Variants in NEDD4L observed in about 807,000 individuals in gnomAD.
NEDD4L encodes the protein E3 ubiquitin-protein ligase NEDD4-like.
Under a neutral mutation model 148.9 loss-of-function variants are expected in NEDD4L, and 54 were observed. That is an observed-to-expected ratio of 0.36 (90% CI 0.29 to 0.45). The LOEUF (loss-of-function observed/expected upper bound fraction) is 0.45, where lower values mean the gene tolerates loss of function less well. NEDD4L is among the 20% of genes least tolerant of loss of function. NEDD4L has a pLI of 1.00. For synonymous variants in NEDD4L, 433 were observed against 440.7 expected (o/e 0.98, Z 0.22); for missense variants, 856 against 1,233.8 (o/e 0.69, Z 4.59).
intron 1 of NEDD4L, among the ~76,000 whole-genome samples, chr18:58,157,070 C>G (rs770456095): frequency 2.0e-4 from 31 of 151,508 alleles, no homozygotes; most frequent in Non-Finnish European, 4.1e-4. Flanking sequence ...CACCTGTAGT[C>G]CCAGCTACTT....
rs200866642 is a variant in NEDD4L, at chr18:58,084,676, T to TGGGTGG, written c.48+39969_48+39970insGGTGGG. 7.5e-3 allele frequency among the ~76,000 whole-genome samples: 1,096 copies of TGGGTGG among 145,818 alleles called. 7 individuals are homozygous for TGGGTGG. The highest frequency in any genetic ancestry group is 0.011 in the Non-Finnish European group (716 of 65,898). Reference sequence around the variant, plus strand: ...CACTATATCTTGTGGGGTTTTTGTGTGTGTGTGTGTGTGTGTGTGTGTGTG... The same window carrying TGGGTGG: ...CACTATATCTTGTGGGGTTTTTGTGTGGGTGGGTGTGTGTGTGTGTGTGTGTGTGTG... On this transcript the variant is annotated intron_variant, in intron 1 of 30. Transcript: ENST00000400345.
At chr18:58,207,723 AT>A (rs2042117719) in intron 2 of NEDD4L, among the ~76,000 whole-genome samples, 1 of 152,300 alleles carries the variant, frequency 6.6e-6, no homozygotes, top group Admixed American at 6.5e-5. Flanking sequence ...GTCATCTGAC[AT>A]CTGGCTCTTG....
At chr18:58,046,806 A>G (rs1182728145) in intron 1 of NEDD4L, 1 of 152,200 alleles carries the variant, frequency 6.6e-6, no homozygotes, top group East Asian at 1.9e-4. Flanking sequence ...TTTATTATCT[A>G]TTTATTGCCA....
chr18:58,108,489 C>G (rs2085216498), intron 1 of NEDD4L, among the ~76,000 whole-genome samples: 1 of 152,172 alleles, frequency 6.6e-6, no homozygotes, highest in African/African-American at 2.4e-5. Context: ...GGTGCGATCT[C>G]AGCTCACTGC....
chr18:58,180,998 C>CGAATAGTCGATTGGAGTTCTTTTTCA (rs1568340295), intron 2 of NEDD4L, among the ~76,000 whole-genome samples: 5 of 152,186 alleles, frequency 3.3e-5, no homozygotes, highest in African/African-American at 1.2e-4. Context: ...TAACACAAAT[C>CGAATAGTCGATTGGAGTTCTTTTTCA]GAATAGTCGA....
At chr18:58,308,431 A>C (rs564584309) in intron 5 of NEDD4L, among the ~76,000 whole-genome samples, 1 of 152,338 alleles carries the variant, frequency 6.6e-6, no homozygotes, top group South Asian at 2.1e-4. Flanking sequence ...CAGATGTAAC[A>C]GTAACTGTGA....
chr18:58,054,355 T>C (rs548620905), intron 1 of NEDD4L, among the ~76,000 whole-genome samples: 1 of 152,322 alleles, frequency 6.6e-6, no homozygotes, highest in South Asian at 2.1e-4. Flanking sequence ...ATTAAGTGAG[T>C]TGTCTTTGGG....
chr18:58,359,561 C>G (rs1348967710), intron 19 of NEDD4L, among the ~76,000 whole-genome samples: 1 of 152,184 alleles, frequency 6.6e-6, no homozygotes, highest in African/African-American at 2.4e-5. Context: ...TTTTTTCTCC[C>G]TACTGTCCAT....
intron 2 of NEDD4L, among the ~76,000 whole-genome samples, chr18:58,230,985 T>G (rs1244917238): frequency 6.6e-6 from 1 of 152,120 alleles, no homozygotes; most frequent in Non-Finnish European, 1.5e-5. Flanking sequence ...TGGTGACTCA[T>G]ACCTGTAATT....
At position 58,387,517 on chromosome 18, in the gene NEDD4L, A is replaced by C. The variant is rs1048705010; in HGVS notation, c.2547+19A>C. On this transcript the variant is annotated intron_variant, in intron 27 of 30. Transcript: ENST00000400345. Reference sequence around the variant, plus strand: ...GCTGGAGGTTTGTATTATAAACATTATTTTATGTAAAGTGGATTTTTTAAA... The same window carrying C: ...GCTGGAGGTTTGTATTATAAACATTCTTTTATGTAAAGTGGATTTTTTAAA... 5 of 1,522,258 alleles carry C rather than the reference A, an allele frequency of 3.3e-6. No individual in the cohort carries two copies. The highest frequency in any genetic ancestry group is 4.4e-6 in the Non-Finnish European group (5 of 1,134,622). 94.3% of individuals were successfully genotyped at this position (1,522,258 alleles called of 1,614,324 possible).
chr18:58,145,980 C>A (rs1324771480), intron 1 of NEDD4L, among the ~76,000 whole-genome samples: 2 of 152,074 alleles, frequency 1.3e-5, no homozygotes, highest in African/African-American at 4.8e-5. Context: ...ATGAACAAGA[C>A]CTTGGGGCCA....
intron 2 of NEDD4L, among the ~76,000 whole-genome samples, chr18:58,168,432 C>T (rs2037133824): frequency 6.6e-6 from 1 of 152,202 alleles, no homozygotes. Context: ...ACCACTCATG[C>T]CACTGTGTAT....
intron 1 of NEDD4L, among the ~76,000 whole-genome samples, chr18:58,070,840 CAAA>C (rs1351539567): frequency 6.6e-6 from 1 of 150,574 alleles, no homozygotes; most frequent in Non-Finnish European, 1.5e-5. Flanking sequence ...ACATGGCAAA[CAAA>C]AAACAAAACA....
chr18:58,394,913 T>C (rs1197388545), intron 30 of NEDD4L, among the ~76,000 whole-genome samples: 1 of 152,208 alleles, frequency 6.6e-6, no homozygotes, highest in African/African-American at 2.4e-5. Flanking sequence ...AGGGGGCGGT[T>C]TTAAACACAG....
chr18:58,242,648 A>C (rs59402591), intron 2 of NEDD4L, among the ~76,000 whole-genome samples: 1 of 151,860 alleles, frequency 6.6e-6, no homozygotes, highest in Admixed American at 6.6e-5. Context: ...CTACAGGTGC[A>C]TGCCACCACA....
chr18:58,316,950 T>G (rs200345660), intron 6 of NEDD4L, among the ~76,000 whole-genome samples: 26,374 of 151,328 alleles, frequency 0.17, 2,455 homozygotes, highest in Non-Finnish European at 0.19. Flanking sequence ...AAAGTGACTT[T>G]ACTTTATTTA....
At chr18:58,187,870 A>C (rs1410367695) in intron 2 of NEDD4L, among the ~76,000 whole-genome samples, 1 of 151,812 alleles carries the variant, frequency 6.6e-6, no homozygotes, top group Admixed American at 6.6e-5. Context: ...AGGGAGAGAG[A>C]ATATGAATGT....
At chr18:58,249,301 A>G (rs2047632203) in intron 4 of NEDD4L, among the ~76,000 whole-genome samples, 1 of 152,244 alleles carries the variant, frequency 6.6e-6, no homozygotes. Flanking sequence ...TAGAGGCAAC[A>G]TGATTAAAAA....
rs950397191 is a variant in NEDD4L at position 58,365,415 on chromosome 18, A to T, written c.1834-584A>T. ...GACCAAGCCTGGACCGCCTCTTTGC[A>T]GGAGGCAGTTGCCACAACCTTGGTC... On this transcript the variant is annotated intron_variant, in intron 20 of 30. Transcript: ENST00000400345. 2.6e-5 allele frequency among the ~76,000 whole-genome samples: 4 copies of T among 152,320 alleles called. No individual in the cohort carries two copies. The East Asian group carries it at 7.7e-4, about 29-fold the overall frequency.
Sources: gnomAD v4.1 joint callset for allele counts (sites outside exome capture counted in the v4.1 genomes callset) on GRCh38, gnomAD v4.1.1 for gene constraint, MANE v1.5 for transcripts, NCBI Gene and HGNC (gene_info 2026-07-23, HGNC 2026-07-21) for gene names.